Variants in SPATA12 observed in about 807,000 individuals in gnomAD.
SPATA12 encodes spermatogenesis associated 12, also known as spermatogenesis-associated protein 12.
For synonymous variants in SPATA12, 85 were observed against 89.2 expected (o/e 0.95, Z 0.26); for missense variants, 219 against 226.4 (o/e 0.97, Z 0.21).
chr3:57,066,975 C>T (rs537942101), intron 1 of SPATA12, among the ~76,000 whole-genome samples: 3 of 152,108 alleles, frequency 2.0e-5, no homozygotes, highest in Non-Finnish European at 2.9e-5. Context: ...GATAGATGAG[C>T]GATTGATTGA....
chr3:57,060,929 G>A (rs1705191418), intron 1 of SPATA12, 143 bp downstream of exon 1: 1 of 149,314 alleles, frequency 6.7e-6, no homozygotes, highest in Non-Finnish European at 1.5e-5. Context: ...TAAAGAAAAA[G>A]TCCAGGAGAG....
intron 1 of SPATA12, among the ~76,000 whole-genome samples, chr3:57,071,986 G>A (rs116339398): frequency 6.5e-4 from 99 of 152,218 alleles, no homozygotes; most frequent in African/African-American, 2.3e-3. Flanking sequence ...CTCCAAAGAA[G>A]ATACACAAAT....
rs1706095828 is a variant in SPATA12 at position 57,074,191 on chromosome 3, T to G, written c.497T>G (p.Leu166Arg). Residue 166 changes from leucine (L) to arginine (R), a missense_variant, in exon 2 of 2, where the codon CTG becomes CGG. Physicochemically the swap from Leu to Arg is moderately radical, Grantham distance 102. Coordinates refer to ENST00000334325, the MANE Select transcript of SPATA12 (RefSeq NM_181727.2). ...SSTGCSRSNQ[L>R]TFTEGCFVRS... is the part of the protein sequence containing the mutation. ...ACAGGGTGCAGCCGTTCAAACCAAC[T>G]GACATTTACTGAGGGCTGCTTTGTC... 1 of 1,614,020 alleles carries G rather than the reference T, an allele frequency of 6.2e-7. No individual in the cohort carries two copies. Among genetic ancestry groups the G allele is most frequent in the African/African-American group, 1.3e-5 (1 of 74,906 alleles).
chr3:57,065,450 G>C (rs1222314169), intron 1 of SPATA12, among the ~76,000 whole-genome samples: 1 of 151,516 alleles, frequency 6.6e-6, no homozygotes, highest in African/African-American at 2.4e-5. Flanking sequence ...AACAGAGCAG[G>C]ACTCCATCAC....
rs1238675598 is a variant in SPATA12, at chr3:57,073,801, G to A, written c.107G>A (p.Gly36Asp). 2.5e-6 allele frequency: 4 copies of A among 1,614,108 alleles called. No homozygotes were observed. Among genetic ancestry groups the A allele is most frequent in the Non-Finnish European group, 3.4e-6 (4 of 1,180,060 alleles). The change falls in exon 2 of 2, where the codon GGC becomes GAC. Residue 36 changes from glycine (G) to aspartate (D), a missense_variant. Physicochemically the swap from Gly to Asp is moderately conservative, Grantham distance 94. Coordinates refer to ENST00000334325, the MANE Select transcript of SPATA12 (RefSeq NM_181727.2). ...AGACTCGTTCCATGGCCACCCAGAG[G>A]CCTTGGGTCATCCACCCAACATCCC... ...SSRLVPWPPR[G>D]LGSSTQHPNK...
chr3:57,065,107 A>G lies in SPATA12; in HGVS notation c.-330+4321A>G, dbSNP rs934953902. On this transcript the variant is annotated intron_variant, in intron 1 of 1. Transcript: ENST00000334325. ...TTTTTAAGTTGGGAGAAATAACTGCATGTTTATTTGCTGATGGGACCAATC... is the reference window on the plus strand; with the variant it reads ...TTTTTAAGTTGGGAGAAATAACTGCGTGTTTATTTGCTGATGGGACCAATC... Among the ~76,000 whole-genome samples, 5 of 152,338 alleles carry G rather than the reference A, an allele frequency of 3.3e-5. No homozygotes were observed. In the South Asian group the frequency reaches 6.2e-4, roughly 19 times the overall value.
intron 1 of SPATA12, among the ~76,000 whole-genome samples, chr3:57,064,005 G>A (rs368433529): frequency 2.6e-5 from 4 of 152,350 alleles, no homozygotes; most frequent in Middle Eastern, 3.4e-3. Flanking sequence ...GCTGGCTCAC[G>A]CCTGTAATCC....
At chr3:57,066,514 C>T (rs370101424) in intron 1 of SPATA12, among the ~76,000 whole-genome samples, 2 of 152,202 alleles carry the variant, frequency 1.3e-5, no homozygotes, top group African/African-American at 2.4e-5. Flanking sequence ...CCATCCGCCT[C>T]GGCCTCCCAA....
Position 57,074,627 on chromosome 3 carries a change from T to C in SPATA12, c.*360T>C, listed in dbSNP as rs1387103624. ...ATCTCCTGATCCCCGATCCTATACA[T>C]TTTCATCTCTTTATTGTTTCTATCA... On this transcript the variant is annotated 3_prime_UTR_variant, in exon 2 of 2. Coordinates refer to ENST00000334325, the MANE Select transcript of SPATA12 (RefSeq NM_181727.2). 3 of 225,302 alleles carry C rather than the reference T, an allele frequency of 1.3e-5. No individual in the cohort carries two copies. The highest frequency in any genetic ancestry group is 2.9e-5 in the Non-Finnish European group (3 of 104,548). 14.0% of individuals were successfully genotyped at this position (225,302 alleles called of 1,614,324 possible).
intron 1 of SPATA12, among the ~76,000 whole-genome samples, chr3:57,067,713 G>A (rs1363299992): frequency 6.6e-6 from 1 of 150,998 alleles, no homozygotes; most frequent in Non-Finnish European, 1.5e-5. Context: ...CAGGCACGGT[G>A]GCTCATGCCT....
At chr3:57,071,703 C>G (rs1442118634) in intron 1 of SPATA12, among the ~76,000 whole-genome samples, 2 of 151,424 alleles carry the variant, frequency 1.3e-5, no homozygotes, top group Non-Finnish European at 2.9e-5. Context: ...GTTTTCATGA[C>G]CTTGCATCAG....
intron 1 of SPATA12, among the ~76,000 whole-genome samples, chr3:57,066,365 G>A (rs112496708): frequency 2.8e-3 from 430 of 151,798 alleles, no homozygotes; most frequent in African/African-American, 1.0e-2. Context: ...AGGTTCAAGC[G>A]ATTCACCTGC....
In SPATA12 at chr3:57,069,376, AACACAC is replaced by A. The variant is rs147675971; in HGVS notation, c.-329-3960_-329-3955del. Among the ~76,000 whole-genome samples, 41 of 146,450 alleles carry A rather than the reference AACACAC, an allele frequency of 2.8e-4. 1 individual carries two copies. The highest frequency in any genetic ancestry group is 3.5e-3 in the Middle Eastern group (1 of 286). On this transcript the variant is annotated intron_variant, in intron 1 of 1. Coordinates refer to ENST00000334325, the MANE Select transcript of SPATA12 (RefSeq NM_181727.2). ...AAATAACTCTAATCTCTGTCTCTCA[AACACAC>A]ACACACACACACACACACACACACA...
At position 57,074,568 on chromosome 3, in the gene SPATA12, A is replaced by G. The variant is rs534773801; in HGVS notation, c.*301A>G. Reference sequence around the variant, plus strand: ...ATTAAATGACATCAATTGATCAATCAATCGATCAATCAATGAAAGAGTGGG... The same window carrying G: ...ATTAAATGACATCAATTGATCAATCGATCGATCAATCAATGAAAGAGTGGG... On this transcript the variant is annotated 3_prime_UTR_variant, in exon 2 of 2. Coordinates refer to ENST00000334325, the MANE Select transcript of SPATA12 (RefSeq NM_181727.2). 7.4e-4 allele frequency: 249 copies of G among 335,512 alleles called. No individual in the cohort carries two copies. The highest frequency in any genetic ancestry group is 1.3e-3 in the Non-Finnish European group (231 of 173,944). 20.8% of individuals were successfully genotyped at this position (335,512 alleles called of 1,614,324 possible).
At chr3:57,061,839 TACAG>T (rs1705238924) in intron 1 of SPATA12, among the ~76,000 whole-genome samples, 1 of 152,196 alleles carries the variant, frequency 6.6e-6, no homozygotes, top group Non-Finnish European at 1.5e-5. Context: ...ATCCCCATTT[TACAG>T]ACAAAGAACC....
At position 57,074,185 on chromosome 3, in the gene SPATA12, A is replaced by G; in HGVS notation, c.491A>G (p.Asn164Ser). 1.2e-6 allele frequency: 2 copies of G among 1,614,178 alleles called. No homozygotes were observed. Among genetic ancestry groups the G allele is most frequent in the Non-Finnish European group, 1.7e-6 (2 of 1,180,026 alleles). The change falls in exon 2 of 2, where the codon AAC becomes AGC. Residue 164 changes from asparagine to serine, a missense_variant. Asn to Ser is a conservative substitution (Grantham distance 46). Coordinates refer to ENST00000334325, the MANE Select transcript of SPATA12 (RefSeq NM_181727.2). ...AGTAGCACAGGGTGCAGCCGTTCAAACCAACTGACATTTACTGAGGGCTGC... is the reference window on the plus strand; with the variant it reads ...AGTAGCACAGGGTGCAGCCGTTCAAGCCAACTGACATTTACTGAGGGCTGC... ...EPSSTGCSRSNQLTFTEGCFV... is the reference protein window; with the variant it reads ...EPSSTGCSRSSQLTFTEGCFV...
rs376239804 is a variant in SPATA12 at position 57,067,412 on chromosome 3, G to A, written c.-329-5954G>A. ...AGAGCTTATAGTGAGCCAAGATTGC[G>A]CCACTGCACTCCAGCCTGGGTGACA... is the stretch of plus-strand genomic sequence containing the variant. On this transcript the variant is annotated intron_variant, in intron 1 of 1. Coordinates refer to ENST00000334325, the MANE Select transcript of SPATA12 (RefSeq NM_181727.2). Among the ~76,000 whole-genome samples the A allele has an allele frequency of 5.9e-4, 89 of 150,282 alleles. 1 individual carries two copies. Among genetic ancestry groups the A allele is most frequent in the African/African-American group, 2.2e-3 (88 of 40,886 alleles).
In SPATA12 at chr3:57,074,572, G is replaced by A. The variant is rs146717450; in HGVS notation, c.*305G>A. On this transcript the variant is annotated 3_prime_UTR_variant, in exon 2 of 2. Coordinates refer to ENST00000334325, the MANE Select transcript of SPATA12 (RefSeq NM_181727.2). ...AATGACATCAATTGATCAATCAATC[G>A]ATCAATCAATGAAAGAGTGGGAGGC... 2.3e-4 allele frequency: 75 copies of A among 328,302 alleles called. 1 individual carries two copies. Among genetic ancestry groups the A allele is most frequent in the African/African-American group, 1.2e-3 (58 of 47,202 alleles). 20.3% of individuals were successfully genotyped at this position (328,302 alleles called of 1,614,324 possible). A position where few individuals can be genotyped will look rare whatever the true frequency, so the allele number is the denominator to read the frequency against.
At position 57,068,154 on chromosome 3, in the gene SPATA12, C is replaced by T. The variant is rs185397084; in HGVS notation, c.-329-5212C>T. ...TGTTTCACCAAATAATTCAGATATG[C>T]GCGCACACACACATACACACACACA... On this transcript the variant is annotated intron_variant, in intron 1 of 1. Transcript: ENST00000334325. Among the ~76,000 whole-genome samples the T allele has an allele frequency of 1.1e-3, 100 of 88,512 alleles. No individual in the cohort carries two copies. In the East Asian group the frequency reaches 0.034, roughly 31 times the overall value. The allele number at this position is 88,512 out of a possible 152,430, so 58.1% of individuals were successfully genotyped here.
Sources: allele counts gnomAD v4.1 joint callset (sites outside exome capture counted in the v4.1 genomes callset), GRCh38; gene constraint gnomAD v4.1.1; transcripts MANE v1.5; gene names NCBI Gene and HGNC (gene_info 2026-07-23, HGNC 2026-07-21).